Variants in CLMP observed in about 807,000 individuals in gnomAD.
The protein encoded by CLMP is CXADR like cell adhesion molecule.
In CLMP, 27 loss-of-function variants were observed where a neutral mutation model predicts 45.2. The observed-to-expected ratio is 0.60, with a 90% CI of 0.44 to 0.82. The LOEUF is 0.82. Among genes scored for constraint, CLMP ranks in the 40% least tolerant of loss-of-function variants. The pLI, the probability that CLMP is intolerant of heterozygous loss-of-function variation, is 0.00. For synonymous variants in CLMP, 167 were observed against 171.4 expected (o/e 0.97, Z 0.20); for missense variants, 403 against 448.4 (o/e 0.90, Z 0.91).
At chr11:123,149,281 A>G (rs1323385741) in intron 1 of CLMP, among the ~76,000 whole-genome samples, 2 of 152,174 alleles carry the variant, frequency 1.3e-5, no homozygotes, top group South Asian at 2.1e-4. Context: ...TTGATTTCAG[A>G]TGTCTGGCCT....
intron 1 of CLMP, among the ~76,000 whole-genome samples, chr11:123,150,606 G>GGAAGGAAGGAAGGAAGGAAGGA (rs1565397775): frequency 4.4e-5 from 5 of 114,700 alleles, no homozygotes; most frequent in African/African-American, 1.6e-4. Context: ...AGGAAGGAAT[G>GGAAGGAAGGAAGGAAGGAAGGA]AAGGAAGGAA....
At chr11:123,194,833 T>A in intron 1 of CLMP, 80 bp downstream of exon 1, 1 of 1,563,838 alleles carries the variant, frequency 6.4e-7, no homozygotes, top group East Asian at 2.3e-5. Context: ...GGACACCCGG[T>A]CAGAACCGGC....
rs59525775 is a variant in CLMP at position 123,073,332 on chromosome 11, TC to T, written c.*141del. 0.025 allele frequency: 23,581 copies of T among 928,768 alleles called. 787 individuals are homozygous for T. The highest frequency in any genetic ancestry group is 0.17 in the East Asian group (6,823 of 40,798). The allele number at this position is 928,768 out of a possible 1,614,324, so 57.5% of individuals were successfully genotyped here. A position where few individuals can be genotyped will look rare whatever the true frequency, so the allele number is the denominator to read the frequency against. On this transcript the variant is annotated 3_prime_UTR_variant, in exon 7 of 7. Coordinates refer to ENST00000448775, the MANE Select transcript of CLMP (RefSeq NM_024769.5). ...TGGTATTGTATAAGGAAAATGCTCA[TC>T]TGAATCTGTTCCGTGCAATGCTCAC...
At chr11:123,129,126 C>T (rs1318902319) in intron 1 of CLMP, among the ~76,000 whole-genome samples, 3 of 151,888 alleles carry the variant, frequency 2.0e-5, no homozygotes, top group Non-Finnish European at 4.4e-5. Flanking sequence ...TTGGAGACCA[C>T]GCTGGCCAAC....
chr11:123,073,408 C>T lies in CLMP; in HGVS notation c.*66G>A, dbSNP rs1028226735. On this transcript the variant is annotated 3_prime_UTR_variant, in exon 7 of 7. Transcript: ENST00000448775. ...GGTTGTGTGGCTGGTGACTTGAGCT[C>T]CAATGACGAGAAGAGTCCAAAGACC... 26 of 1,517,264 alleles carry T rather than the reference C, an allele frequency of 1.7e-5. No individual in the cohort carries two copies. The South Asian group carries it at 2.7e-4, about 16-fold the overall frequency. 94.0% of individuals were successfully genotyped at this position (1,517,264 alleles called of 1,614,324 possible). A position where few individuals can be genotyped will look rare whatever the true frequency, so the allele number is the denominator to read the frequency against.
chr11:123,148,034 C>T (rs1861263520), intron 1 of CLMP, among the ~76,000 whole-genome samples: 1 of 152,150 alleles, frequency 6.6e-6, no homozygotes, highest in South Asian at 2.1e-4. Flanking sequence ...CTGCAGCTTA[C>T]CTAGATGCAA....
At chr11:123,136,088 C>T (rs1189164131) in intron 1 of CLMP, 2 of 610,214 alleles carry the variant, frequency 3.3e-6, no homozygotes, top group Middle Eastern at 3.0e-4. Context: ...TTTCAACTCT[C>T]TTCCAGTTAA....
chr11:123,175,859 A>T (rs1187020037), intron 1 of CLMP, among the ~76,000 whole-genome samples: 1 of 152,198 alleles, frequency 6.6e-6, no homozygotes, highest in Admixed American at 6.5e-5. Context: ...CATCAGGTGG[A>T]AACTTGAAGA....
chr11:123,170,375 C>T (rs1311625309), intron 1 of CLMP, among the ~76,000 whole-genome samples: 1 of 151,600 alleles, frequency 6.6e-6, no homozygotes, highest in East Asian at 1.9e-4. Context: ...GAGTTTAGTC[C>T]TCAATAACGA....
chr11:123,113,909 A>AAC (rs143701414), intron 1 of CLMP, among the ~76,000 whole-genome samples: 53,927 of 151,642 alleles, frequency 0.36, 10,259 homozygotes, highest in African/African-American at 0.49. Context: ...CACATGCAGA[A>AAC]ACACACACAC....
chr11:123,164,805 A>G (rs185435814), intron 1 of CLMP, among the ~76,000 whole-genome samples: 91 of 152,310 alleles, frequency 6.0e-4, no homozygotes, highest in Admixed American at 2.6e-3. Flanking sequence ...TGCTCAAAAC[A>G]TTTAGATGAA....
chr11:123,123,537 G>C (rs1287488166), intron 1 of CLMP, among the ~76,000 whole-genome samples: 2 of 151,880 alleles, frequency 1.3e-5, no homozygotes, highest in South Asian at 2.1e-4. Flanking sequence ...GGATTACAGG[G>C]GTAATCCCAC....
intron 5 of CLMP, among the ~76,000 whole-genome samples, chr11:123,075,730 G>A (rs1299747456): frequency 1.3e-5 from 2 of 152,126 alleles, no homozygotes; most frequent in Non-Finnish European, 2.9e-5. Flanking sequence ...GGTTCAGATG[G>A]TAAAACTGGG....
At chr11:123,098,809 C>T (rs536750699) in intron 1 of CLMP, among the ~76,000 whole-genome samples, 3 of 150,336 alleles carry the variant, frequency 2.0e-5, no homozygotes, top group African/African-American at 4.9e-5. Context: ...CAGGTTCAAG[C>T]GATTCTCGTG....
At chr11:123,106,384 T>G (rs12799922) in intron 1 of CLMP, among the ~76,000 whole-genome samples, 59 of 81,806 alleles carry the variant, frequency 7.2e-4, no homozygotes, top group South Asian at 9.5e-4. Flanking sequence ...CTGTAGGAGG[T>G]GTGTGTGTGT....
chr11:123,122,659 G>T (rs549312292), intron 1 of CLMP, among the ~76,000 whole-genome samples: 2 of 152,312 alleles, frequency 1.3e-5, no homozygotes, highest in Admixed American at 1.3e-4. Flanking sequence ...TGGGAAAAAG[G>T]TAGCAGAGAA....
chr11:123,156,890 GC>G (rs1233406146), intron 1 of CLMP, among the ~76,000 whole-genome samples: 2 of 152,198 alleles, frequency 1.3e-5, no homozygotes, highest in Non-Finnish European at 2.9e-5. Context: ...CCAGGACTCT[GC>G]CTTTTACTTT....
At chr11:123,163,626 C>T (rs996272553) in intron 1 of CLMP, among the ~76,000 whole-genome samples, 1 of 152,182 alleles carries the variant, frequency 6.6e-6, no homozygotes, top group South Asian at 2.1e-4. Flanking sequence ...TGCATTTTGC[C>T]AGGAGCCTTC....
intron 1 of CLMP, among the ~76,000 whole-genome samples, chr11:123,099,828 A>C (rs1218166427): frequency 6.6e-6 from 1 of 152,226 alleles, no homozygotes; most frequent in Non-Finnish European, 1.5e-5. Flanking sequence ...CGCAGTGAGC[A>C]CAGTGACATG....
Sources: allele counts gnomAD v4.1 joint callset (sites outside exome capture counted in the v4.1 genomes callset), GRCh38; gene constraint gnomAD v4.1.1; transcripts MANE v1.5; gene names NCBI Gene and HGNC (gene_info 2026-07-23, HGNC 2026-07-21).